SLC9C1: variants seen among roughly 807,000 people sequenced by gnomAD.
SLC9C1 encodes solute carrier family 9 member C1.
SLC9C1 carries 97 observed loss-of-function variants against 140.9 expected under a neutral mutation model. The ratio of observed to expected loss-of-function variants is 0.69; its 90% CI spans 0.58 to 0.82. The LOEUF is 0.82. Ranked by LOEUF, SLC9C1 falls within the 40% of genes least tolerant of loss-of-function variation. The probability of loss-of-function intolerance (pLI) is 0.00; values close to 1 mark genes in which losing one functional copy is unlikely to be tolerated. For missense variants in SLC9C1, 1,340 were observed against 1,389.3 expected (o/e 0.96, Z 0.56); for synonymous variants, 440 against 442.6 (o/e 0.99, Z 0.07).
intron 20 of SLC9C1, among the ~76,000 whole-genome samples, chr3:112,198,257 T>C (rs1375860501): frequency 1.3e-5 from 2 of 151,952 alleles, no homozygotes; most frequent in African/African-American, 4.8e-5. Context: ...AATTTTTCCA[T>C]TGGAGAAGAA....
intron 28 of SLC9C1, among the ~76,000 whole-genome samples, chr3:112,142,806 G>T (rs927491368): frequency 6.6e-6 from 1 of 152,088 alleles, no homozygotes; most frequent in Non-Finnish European, 1.5e-5. Flanking sequence ...GTGATGCTGG[G>T]CTTAGGATTC....
At chr3:112,190,862 A>G (rs1027417809) in intron 20 of SLC9C1, among the ~76,000 whole-genome samples, 1 of 150,398 alleles carries the variant, frequency 6.6e-6, no homozygotes, top group Non-Finnish European at 1.5e-5. Flanking sequence ...TTTGCTTTTA[A>G]TCTCATTTTA....
intron 19 of SLC9C1, among the ~76,000 whole-genome samples, chr3:112,199,845 T>G (rs12636943): frequency 0.77 from 116,743 of 151,896 alleles, 45,201 homozygotes; most frequent in East Asian, 0.99. Flanking sequence ...ACAGATGATT[T>G]TGTGATTAAA....
At chr3:112,216,622 G>A (rs1471649803) in intron 15 of SLC9C1, among the ~76,000 whole-genome samples, 8 of 152,072 alleles carry the variant, frequency 5.3e-5, no homozygotes, top group African/African-American at 1.4e-4. Flanking sequence ...ATCATCACTC[G>A]CCATCAGAGA....
intron 20 of SLC9C1, among the ~76,000 whole-genome samples, chr3:112,184,898 A>T (rs1465019227): frequency 2.6e-5 from 4 of 152,072 alleles, no homozygotes; most frequent in African/African-American, 4.8e-5. Flanking sequence ...CTAGCAAGAC[A>T]ATACACCACC....
chr3:112,160,342 C>T (rs1321476980), intron 26 of SLC9C1, among the ~76,000 whole-genome samples: 1 of 150,942 alleles, frequency 6.6e-6, no homozygotes, highest in East Asian at 1.9e-4. Flanking sequence ...CATATGTGTA[C>T]ATGTGCCATG....
chr3:112,280,985 T>C (rs1027490936), intron 2 of SLC9C1, among the ~76,000 whole-genome samples: 1 of 152,224 alleles, frequency 6.6e-6, no homozygotes, highest in Non-Finnish European at 1.5e-5. Flanking sequence ...TCTCCTATGA[T>C]GTATCTCATT....
chr3:112,282,665 GAAA>G (rs57666550), intron 2 of SLC9C1, among the ~76,000 whole-genome samples: 2 of 150,802 alleles, frequency 1.3e-5, no homozygotes, highest in Admixed American at 6.6e-5. Flanking sequence ...AGTTAATAAT[GAAA>G]AAAAAAAACT....
chr3:112,207,019 A>T (rs2078071785), intron 16 of SLC9C1, among the ~76,000 whole-genome samples: 1 of 152,180 alleles, frequency 6.6e-6, no homozygotes, highest in Non-Finnish European at 1.5e-5. Context: ...GAATTTAGAC[A>T]TGTTAAAGTA....
rs146897405 is a variant in SLC9C1, at chr3:112,277,717, G to A, written c.462C>T (p.Thr154=). The A allele has an allele frequency of 1.6e-4, 261 of 1,595,628 alleles. 1 individual carries two copies. Among genetic ancestry groups the A allele is most frequent in the Non-Finnish European group, 2.1e-4 (246 of 1,172,600 alleles). Residue 154 remains threonine, a synonymous_variant, in exon 5 of 29, where the codon ACC becomes ACT. Coordinates refer to ENST00000305815, the MANE Select transcript of SLC9C1 (RefSeq NM_183061.3). The part of the protein sequence containing the change: ...AILVSSDPML[T]AAAIRDLGLS... ...TACCAAGGTCTCTTATAGCAGCTGC[G>A]GTTAGCATGGGATCTGAACTCACAA...
At chr3:112,186,027 A>T in intron 20 of SLC9C1, 1 of 1,413,694 alleles carries the variant, frequency 7.1e-7, no homozygotes, top group Non-Finnish European at 9.4e-7. Flanking sequence ...TATGTGTATT[A>T]GCCATTTAAA....
intron 2 of SLC9C1, among the ~76,000 whole-genome samples, chr3:112,284,564 G>A (rs1172902318): frequency 6.6e-6 from 1 of 152,214 alleles, no homozygotes; most frequent in Non-Finnish European, 1.5e-5. Context: ...TCAAGAGGCA[G>A]TTCTAGATAT....
intron 26 of SLC9C1, among the ~76,000 whole-genome samples, chr3:112,165,570 G>C (rs894799211): frequency 6.6e-6 from 1 of 152,176 alleles, no homozygotes; most frequent in Non-Finnish European, 1.5e-5. Context: ...CAGCAGTGGA[G>C]GCTGCACAAC....
intron 15 of SLC9C1, among the ~76,000 whole-genome samples, 191 bp from the exon 16 acceptor site, chr3:112,208,564 CCT>C (rs2078118970): frequency 6.6e-6 from 1 of 152,160 alleles, no homozygotes; most frequent in Admixed American, 6.6e-5. Flanking sequence ...CACTGATCCT[CCT>C]CTGTCTTGAG....
At chr3:112,205,882 C>A (rs1423304605) in intron 16 of SLC9C1, among the ~76,000 whole-genome samples, 3 of 63,234 alleles carry the variant, frequency 4.7e-5, no homozygotes, top group Non-Finnish European at 1.0e-4. Context: ...AAACATTAGA[C>A]CTAAAACCAT....
chr3:112,283,671 T>C (rs1482357694), intron 2 of SLC9C1, among the ~76,000 whole-genome samples: 1 of 152,106 alleles, frequency 6.6e-6, no homozygotes, highest in Non-Finnish European at 1.5e-5. Context: ...TTTTGCTTTT[T>C]TTAGATACAG....
intron 28 of SLC9C1, among the ~76,000 whole-genome samples, chr3:112,141,793 A>G (rs2074632358): frequency 6.6e-6 from 1 of 151,936 alleles, no homozygotes; most frequent in Admixed American, 6.6e-5. Flanking sequence ...GATCAAAACC[A>G]CTCCTATTCT....
chr3:112,153,580 TAAGA>T (rs1443155033), intron 27 of SLC9C1, among the ~76,000 whole-genome samples: 1 of 152,216 alleles, frequency 6.6e-6, no homozygotes, highest in Non-Finnish European at 1.5e-5. Context: ...TTTCCTGTAT[TAAGA>T]AAGGGTGAGC....
chr3:112,284,985 C>CTTTGT (rs2080463229), intron 2 of SLC9C1, among the ~76,000 whole-genome samples: 1 of 103,864 alleles, frequency 9.6e-6, no homozygotes, highest in Non-Finnish European at 1.8e-5. Flanking sequence ...TACAATTTTT[C>CTTTGT]TTTTTTTTTT....
Sources: gnomAD v4.1 joint callset for allele counts (sites outside exome capture counted in the v4.1 genomes callset) on GRCh38, gnomAD v4.1.1 for gene constraint, MANE v1.5 for transcripts, NCBI Gene and HGNC (gene_info 2026-07-23, HGNC 2026-07-21) for gene names.